Variants in HPCAL1 observed in about 807,000 individuals in gnomAD.
HPCAL1 encodes hippocalcin-like protein 1.
In HPCAL1, 8 loss-of-function variants were observed where a neutral mutation model predicts 17.1. That is an observed-to-expected ratio of 0.47 (90% CI 0.27 to 0.84). The LOEUF (loss-of-function observed/expected upper bound fraction) is 0.84, where lower values mean the gene tolerates loss of function less well. HPCAL1 is among the 40% of genes least tolerant of loss of function. The probability of loss-of-function intolerance (pLI) is 0.13; values close to 1 mark genes in which losing one functional copy is unlikely to be tolerated. For synonymous variants in HPCAL1, 112 were observed against 111.4 expected, an observed-to-expected ratio of 1.01 and a Z score of -0.03; for missense variants, 165 against 271.1, an observed-to-expected ratio of 0.61 and a Z score of 2.75.
At chr2:10,370,020 T>C (rs1342735049) in intron 1 of HPCAL1, among the ~76,000 whole-genome samples, 4 of 152,248 alleles carry the variant, frequency 2.6e-5, no homozygotes, top group Non-Finnish European at 4.4e-5. Context: ...AGAAATGTGC[T>C]GGGTTAGGCC....
At chr2:10,305,776 C>T (rs1294912086) in intron 1 of HPCAL1, among the ~76,000 whole-genome samples, 1 of 152,194 alleles carries the variant, frequency 6.6e-6, no homozygotes, top group Admixed American at 6.5e-5. Context: ...CCTTTCTGGC[C>T]ACAGGGCTGT....
chr2:10,414,149 C>A (rs1295143182), intron 2 of HPCAL1, among the ~76,000 whole-genome samples: 2 of 152,218 alleles, frequency 1.3e-5, no homozygotes, highest in African/African-American at 4.8e-5. Flanking sequence ...CAAAATGGGC[C>A]CCACAGGCCA....
chr2:10,356,840 C>G lies in HPCAL1; in HGVS notation c.-110-39995C>G, dbSNP rs182018683. On this transcript the variant is annotated intron_variant, in intron 1 of 4. Coordinates refer to ENST00000307845, the MANE Select transcript of HPCAL1 (RefSeq NM_002149.4). The stretch of plus-strand genomic sequence containing the variant: ...GTGCCCCTGTGCATTCTCCCACAGA[C>G]TCCTCCCTGCGGGGCCACCCATCTC... Among the ~76,000 whole-genome samples the G allele has an allele frequency of 1.8e-3, 268 of 152,330 alleles. 1 individual carries two copies. Among genetic ancestry groups the G allele is most frequent in the African/African-American group, 6.2e-3 (259 of 41,560 alleles).
intron 1 of HPCAL1, among the ~76,000 whole-genome samples, chr2:10,315,272 A>C (rs747230059): frequency 6.7e-6 from 1 of 150,266 alleles, no homozygotes; most frequent in African/African-American, 2.4e-5. Context: ...CAGCCTGGGC[A>C]ACAGAGCGAG....
At chr2:10,373,153 G>T (rs552184798) in intron 1 of HPCAL1, among the ~76,000 whole-genome samples, 2 of 152,244 alleles carry the variant, frequency 1.3e-5, no homozygotes, top group Non-Finnish European at 2.9e-5. Context: ...GGAGGGATGA[G>T]TTGGGTTTCT....
chr2:10,375,278 TTTG>T (rs1667481880), intron 1 of HPCAL1, among the ~76,000 whole-genome samples: 1 of 152,252 alleles, frequency 6.6e-6, no homozygotes, highest in South Asian at 2.1e-4. Flanking sequence ...GTTTTTGTTT[TTTG>T]TTTTTTCCAC....
At chr2:10,368,144 G>A (rs1666964105) in intron 1 of HPCAL1, among the ~76,000 whole-genome samples, 1 of 151,536 alleles carries the variant, frequency 6.6e-6, no homozygotes, top group Non-Finnish European at 1.5e-5. Context: ...GTGTGCACAC[G>A]TGCATGTGTA....
At chr2:10,426,641 G>T in intron 4 of HPCAL1, 83 bp from the exon 5 acceptor site, 2 of 1,083,126 alleles carry the variant, frequency 1.8e-6, no homozygotes, top group South Asian at 1.3e-5. Context: ...GAGCATACCT[G>T]ACCTGAGAGC....
chr2:10,357,889 G>C (rs943416829), intron 1 of HPCAL1, among the ~76,000 whole-genome samples: 10 of 151,556 alleles, frequency 6.6e-5, no homozygotes, highest in Middle Eastern at 3.5e-3. Context: ...GGAAGGGAGA[G>C]GGAGGGGGCC....
chr2:10,305,420 A>G (rs1034134897), intron 1 of HPCAL1, among the ~76,000 whole-genome samples: 1 of 152,170 alleles, frequency 6.6e-6, no homozygotes, highest in South Asian at 2.1e-4. Context: ...TTGAGGTTTT[A>G]TTGGATAATG....
At chr2:10,347,995 T>C (rs1403904668) in intron 1 of HPCAL1, among the ~76,000 whole-genome samples, 1 of 152,180 alleles carries the variant, frequency 6.6e-6, no homozygotes, top group Non-Finnish European at 1.5e-5. Context: ...CATTTGTTCA[T>C]GCTTTAACAC....
In HPCAL1 at chr2:10,323,180, C is replaced by T. The variant is rs148955690; in HGVS notation, c.-111+20003C>T. Among the ~76,000 whole-genome samples the T allele has an allele frequency of 2.0e-5, 3 of 152,328 alleles. No individual in the cohort carries two copies. The highest frequency in any genetic ancestry group is 4.4e-5 in the Non-Finnish European group (3 of 68,024). On this transcript the variant is annotated intron_variant, in intron 1 of 4. Transcript: ENST00000307845. This position sits in a 1 kb window ranked among gnomAD's most constrained non-coding sequence, Gnocchi z 4.6. ...GACCTGGCTCCCCCGGTTCCCCAGA[C>T]GCGTTCCCCACGGAGTCCCAGCGTG...
chr2:10,366,977 T>A (rs1172552014), intron 1 of HPCAL1, among the ~76,000 whole-genome samples: 1 of 152,074 alleles, frequency 6.6e-6, no homozygotes, highest in African/African-American at 2.4e-5. Flanking sequence ...TTCCTTGATG[T>A]GTTGGGACAA....
rs558601395 is a variant in HPCAL1 at position 10,354,939 on chromosome 2, G to A, written c.-110-41896G>A. Among the ~76,000 whole-genome samples, 48 of 152,290 alleles carry A rather than the reference G, an allele frequency of 3.2e-4. No homozygotes were observed. The highest frequency in any genetic ancestry group is 5.7e-4 in the Non-Finnish European group (39 of 68,022). Reference sequence around the variant, plus strand: ...TTCAACAAGCCCCTGGGCACCCACCGTGCACCAGGCACTGTGTTAGGTGCT... The same window carrying A: ...TTCAACAAGCCCCTGGGCACCCACCATGCACCAGGCACTGTGTTAGGTGCT... On this transcript the variant is annotated intron_variant, in intron 1 of 4. Coordinates refer to ENST00000307845, the MANE Select transcript of HPCAL1 (RefSeq NM_002149.4). The surrounding 1 kb of genome is among the most constrained non-coding windows in gnomAD (Gnocchi z 5.1).
chr2:10,387,018 C>A (rs550564842), intron 1 of HPCAL1, among the ~76,000 whole-genome samples: 86 of 152,308 alleles, frequency 5.6e-4, no homozygotes, highest in African/African-American at 2.0e-3. Flanking sequence ...AAGTGTGATT[C>A]CTGGTGCAGT....
intron 1 of HPCAL1, among the ~76,000 whole-genome samples, chr2:10,383,914 A>T (rs1668134438): frequency 1.3e-5 from 2 of 152,156 alleles, no homozygotes; most frequent in South Asian, 4.2e-4. Flanking sequence ...TAATAACCAA[A>T]AATATCTCCA....
intron 1 of HPCAL1, among the ~76,000 whole-genome samples, chr2:10,320,523 C>T (rs1170975241): frequency 1.3e-5 from 2 of 152,216 alleles, no homozygotes; most frequent in Non-Finnish European, 2.9e-5. Context: ...AGCCATGCTT[C>T]CTGTGCAGTA....
At chr2:10,329,486 G>A (rs1276901458) in intron 1 of HPCAL1, among the ~76,000 whole-genome samples, 1 of 152,324 alleles carries the variant, frequency 6.6e-6, no homozygotes, top group East Asian at 1.9e-4. Flanking sequence ...ATGGCTTTGA[G>A]CCAGAGTGTG....
At chr2:10,346,411 T>C (rs1572688433) in intron 1 of HPCAL1, among the ~76,000 whole-genome samples, 2 of 151,854 alleles carry the variant, frequency 1.3e-5, no homozygotes, top group Non-Finnish European at 2.9e-5. Context: ...TTGGGGGAGG[T>C]GCTCCCTCAT....
Sources: gnomAD v4.1 joint callset for allele counts (sites outside exome capture counted in the v4.1 genomes callset) on GRCh38, gnomAD v4.1.1 for gene constraint, Gnocchi (gnomAD v3.1) non-coding constraint, MANE v1.5 for transcripts, NCBI Gene and HGNC (gene_info 2026-07-23, HGNC 2026-07-21) for gene names.